The following CTNNA1 variants were observed in gnomAD, a reference collection of about 807,000 sequenced individuals.
The protein encoded by CTNNA1 is catenin alpha 1.
Under a neutral mutation model 98.4 loss-of-function variants are expected in CTNNA1, and 37 were observed. The ratio of observed to expected loss-of-function variants is 0.38; its 90% confidence interval spans 0.29 to 0.49. CTNNA1 has a LOEUF of 0.49. Ranked by LOEUF, CTNNA1 falls within the 20% of genes least tolerant of loss-of-function variation. The pLI is 0.95. For synonymous variants in CTNNA1, 404 were observed against 413.2 expected, an observed-to-expected ratio of 0.98 and a Z score of 0.27; for missense variants, 761 against 1,147.2, an observed-to-expected ratio of 0.66 and a Z score of 4.86.
In CTNNA1 at chr5:138,874,920, G is replaced by A. The variant is rs1751156003; in HGVS notation, c.1063-11292G>A. On this transcript the variant is annotated intron_variant, in intron 7 of 17. Coordinates refer to ENST00000302763, the MANE Select transcript of CTNNA1 (RefSeq NM_001903.5). This position sits in a 1 kb window ranked among gnomAD's most constrained non-coding sequence, Gnocchi z 4.1. The stretch of plus-strand genomic sequence containing the variant: ...TGCACAGACTTACCCATTCTTCTGA[G>A]CACATTGGAGGCTGCATTCAGTCGC... 6.2e-7 allele frequency: 1 copy of A among 1,613,610 alleles called. No homozygotes were observed. The highest frequency in any genetic ancestry group is 8.5e-7 in the Non-Finnish European group (1 of 1,179,722).
intron 9 of CTNNA1, among the ~76,000 whole-genome samples, chr5:138,898,297 A>T (rs773227723): frequency 2.0e-5 from 3 of 152,078 alleles, no homozygotes; most frequent in Non-Finnish European, 4.4e-5. Context: ...AGCCTGCAGA[A>T]CTGTGAGCCA....
chr5:138,818,563 C>T (rs566474503), intron 5 of CTNNA1, among the ~76,000 whole-genome samples: 1 of 152,202 alleles, frequency 6.6e-6, no homozygotes, highest in South Asian at 2.1e-4. Flanking sequence ...TGTGTGTTGG[C>T]TCTGTGTCCA....
intron 7 of CTNNA1, among the ~76,000 whole-genome samples, chr5:138,868,042 A>G (rs995708413): frequency 1.3e-5 from 2 of 152,168 alleles, no homozygotes; most frequent in African/African-American, 4.8e-5. Flanking sequence ...GTGAGCCACC[A>G]TGCCCCACCA....
chr5:138,798,648 GT>G (rs1554080908), intron 3 of CTNNA1, among the ~76,000 whole-genome samples: 1 of 151,912 alleles, frequency 6.6e-6, no homozygotes, highest in Non-Finnish European at 1.5e-5. Flanking sequence ...GGGTTTTTTT[GT>G]TTGTTTGTTT....
intron 2 of CTNNA1, 125 bp from the exon 3 acceptor site, chr5:138,783,052 G>A (rs559230992): frequency 4.0e-5 from 27 of 674,256 alleles, no homozygotes; most frequent in East Asian, 1.1e-4. Context: ...ATGGGGAATT[G>A]TATGTTAATG....
At chr5:138,793,255 T>A (rs1367260053) in intron 3 of CTNNA1, among the ~76,000 whole-genome samples, 3 of 152,250 alleles carry the variant, frequency 2.0e-5, no homozygotes, top group African/African-American at 4.8e-5. Flanking sequence ...GTTGTCTGCC[T>A]GACTTAAACT....
chr5:138,866,411 T>C (rs1203431281), intron 7 of CTNNA1, among the ~76,000 whole-genome samples: 1 of 152,036 alleles, frequency 6.6e-6, no homozygotes, highest in Non-Finnish European at 1.5e-5. Context: ...ACTTAATGTT[T>C]ATGATGTTTT....
At chr5:138,880,344 C>G (rs568620556) in intron 7 of CTNNA1, 57 of 152,318 alleles carry the variant, frequency 3.7e-4, no homozygotes, top group African/African-American at 1.2e-3. Context: ...CATCATGTTG[C>G]GCTAGGCTGG....
At chr5:138,775,511 G>C (rs1754005810) in intron 1 of CTNNA1, among the ~76,000 whole-genome samples, 1 of 152,076 alleles carries the variant, frequency 6.6e-6, no homozygotes, top group Non-Finnish European at 1.5e-5. Context: ...CCTATCTCTA[G>C]TGATTCTAGA....
intron 1 of CTNNA1, among the ~76,000 whole-genome samples, chr5:138,766,451 G>GC (rs1554075324): frequency 7.3e-6 from 1 of 137,414 alleles, no homozygotes; most frequent in Non-Finnish European, 1.5e-5. Context: ...ACCATGTTTT[G>GC]TTTTTTTTTT....
At chr5:138,929,101 T>C in intron 13 of CTNNA1, 145 bp from the exon 14 acceptor site, 1 of 694,734 alleles carries the variant, frequency 1.4e-6, no homozygotes, top group Non-Finnish European at 2.6e-6. Flanking sequence ...TGAGTGATTT[T>C]GACTTTATTC....
rs756586452 is a variant in CTNNA1 at position 138,825,482 on chromosome 5, GTTT to G, written c.858+697_858+699del. ...CTTCCAGTAGATGGCAGCAGTATAA[GTTT>G]TTTTTTTTTTTTTAGGGCTTTAAAA... is the stretch of plus-strand genomic sequence containing the variant. On this transcript the variant is annotated intron_variant, in intron 6 of 17. Transcript: ENST00000302763. Among the ~76,000 whole-genome samples, 22 of 74,114 alleles carry G rather than the reference GTTT, an allele frequency of 3.0e-4. 2 individuals carry two copies. The highest frequency in any genetic ancestry group is 1.2e-3 in the African/African-American group (20 of 17,296). 48.6% of individuals were successfully genotyped at this position (74,114 alleles called of 152,430 possible).
intron 9 of CTNNA1, among the ~76,000 whole-genome samples, chr5:138,893,405 C>CT (rs1316735956): frequency 1.3e-5 from 2 of 151,968 alleles, no homozygotes; most frequent in Non-Finnish European, 2.9e-5. Flanking sequence ...GTGTTTGGCT[C>CT]TTATGTATGG....
intron 3 of CTNNA1, among the ~76,000 whole-genome samples, chr5:138,790,505 CAAT>C (rs1316265499): frequency 2.0e-5 from 3 of 152,196 alleles, no homozygotes; most frequent in Admixed American, 1.3e-4. Flanking sequence ...GTTCCTATGG[CAAT>C]GATAAGTATT....
At chr5:138,836,106 T>A (rs1220136025) in intron 7 of CTNNA1, among the ~76,000 whole-genome samples, 1 of 152,194 alleles carries the variant, frequency 6.6e-6, no homozygotes, top group Non-Finnish European at 1.5e-5. Context: ...CTGCCTTGGC[T>A]TCCCAAAGTG....
intron 7 of CTNNA1, chr5:138,880,766 C>T (rs1476894167): frequency 1.0e-5 from 3 of 291,572 alleles, no homozygotes; most frequent in East Asian, 8.3e-5. Flanking sequence ...CTTGAAGAAT[C>T]GTTCAATTTT....
chr5:138,809,586 A>G (rs1009303462), intron 3 of CTNNA1, among the ~76,000 whole-genome samples: 5 of 152,208 alleles, frequency 3.3e-5, no homozygotes, highest in Non-Finnish European at 7.3e-5. Flanking sequence ...ATGGCTGTAC[A>G]CATCATGTAG....
intron 7 of CTNNA1, among the ~76,000 whole-genome samples, chr5:138,843,459 G>A (rs1187182672): frequency 6.6e-6 from 1 of 152,088 alleles, no homozygotes; most frequent in Non-Finnish European, 1.5e-5. Context: ...CCCCTGGAAG[G>A]CCTTGTTTTA....
chr5:138,862,391 C>T (rs1294846203), intron 7 of CTNNA1, among the ~76,000 whole-genome samples: 3 of 152,168 alleles, frequency 2.0e-5, no homozygotes, highest in African/African-American at 4.8e-5. Flanking sequence ...ATCCTTAATT[C>T]TCAGCCATGT....
Sources: gnomAD v4.1 joint callset for allele counts (sites outside exome capture counted in the v4.1 genomes callset) on GRCh38, gnomAD v4.1.1 for gene constraint, Gnocchi (gnomAD v3.1) non-coding constraint, MANE v1.5 for transcripts, NCBI Gene and HGNC (gene_info 2026-07-23, HGNC 2026-07-21) for gene names.